TLL2: variants seen among roughly 807,000 people sequenced by gnomAD.
TLL2 encodes the protein tolloid-like protein 2.
TLL2 carries 106 observed loss-of-function variants against 123.0 expected under a neutral mutation model. That is an observed-to-expected ratio of 0.86 (90% CI 0.74 to 1.01). The LOEUF is 1.01. Among genes scored for constraint, TLL2 ranks in the 50% least tolerant of loss-of-function variants. The pLI is 0.00. For synonymous variants in TLL2, 494 were observed against 516.8 expected (o/e 0.96, Z 0.60); for missense variants, 1,332 against 1,336.7 (o/e 1.00, Z 0.06).
intron 7 of TLL2, among the ~76,000 whole-genome samples, chr10:96,419,927 G>C (rs182192166): frequency 6.6e-6 from 1 of 152,100 alleles, no homozygotes; most frequent in African/African-American, 2.4e-5. Flanking sequence ...CACAGGGCAG[G>C]ATTTGCTGCC....
At chr10:96,432,750 C>G in intron 4 of TLL2, 57 bp downstream of exon 4, 1 of 1,582,558 alleles carries the variant, frequency 6.3e-7, no homozygotes, top group South Asian at 1.2e-5. Context: ...AGGACTCTCT[C>G]AACCCAGGGA....
At chr10:96,510,738 A>C (rs951867645) in intron 1 of TLL2, among the ~76,000 whole-genome samples, 2 of 152,190 alleles carry the variant, frequency 1.3e-5, no homozygotes, top group Non-Finnish European at 2.9e-5. Flanking sequence ...AGAAATGGTA[A>C]AATTACCAGT....
chr10:96,505,023 A>G (rs917889391), intron 1 of TLL2, among the ~76,000 whole-genome samples: 1 of 117,340 alleles, frequency 8.5e-6, no homozygotes, highest in Non-Finnish European at 1.9e-5. Flanking sequence ...AATAAAAAAT[A>G]AATAAATAAA....
At chr10:96,415,960 G>A (rs970946237) in intron 7 of TLL2, among the ~76,000 whole-genome samples, 8 of 150,564 alleles carry the variant, frequency 5.3e-5, no homozygotes, top group Non-Finnish European at 1.0e-4. Context: ...CTGATTTCCT[G>A]TTCAGCATCT....
intron 5 of TLL2, among the ~76,000 whole-genome samples, chr10:96,423,365 T>C (rs1323902242): frequency 6.6e-6 from 1 of 152,150 alleles, no homozygotes; most frequent in East Asian, 1.9e-4. Context: ...CTGGGCCATT[T>C]TTAATGAAAA....
At chr10:96,506,251 C>CAA (rs1210970430) in intron 1 of TLL2, among the ~76,000 whole-genome samples, 3,591 of 36,660 alleles carry the variant, frequency 0.098, 715 homozygotes, top group East Asian at 0.1. Flanking sequence ...GACCCCATCT[C>CAA]AAAAAAAAAA....
intron 1 of TLL2, among the ~76,000 whole-genome samples, chr10:96,489,459 G>T (rs1447874416): frequency 6.6e-6 from 1 of 152,146 alleles, no homozygotes; most frequent in African/African-American, 2.4e-5. Flanking sequence ...AATCCGGGAG[G>T]TTGAGGCTGC....
chr10:96,386,851 A>G lies in TLL2; in HGVS notation c.1852+102T>C, dbSNP rs577079448. ...CTTCCACCATGTCTGCCCATTGCCC[A>G]TCGTTCCTACACAGCCAGCTGGTTG... is the stretch of plus-strand genomic sequence containing the variant. On this transcript the variant is annotated intron_variant, in intron 14 of 20. Transcript: ENST00000357947. 4.0e-5 allele frequency: 61 copies of G among 1,542,224 alleles called. No individual in the cohort carries two copies. In the East Asian group the frequency reaches 1.3e-3, roughly 32 times the overall value.
intron 7 of TLL2, among the ~76,000 whole-genome samples, chr10:96,419,125 G>A (rs574941948): frequency 2.6e-5 from 4 of 152,172 alleles, no homozygotes; most frequent in East Asian, 1.9e-4. Flanking sequence ...CTGCACTGGC[G>A]TCCTGAGATT....
intron 18 of TLL2, among the ~76,000 whole-genome samples, chr10:96,375,713 T>C (rs1176693005): frequency 6.6e-6 from 1 of 152,144 alleles, no homozygotes; most frequent in Non-Finnish European, 1.5e-5. Context: ...CATTCGCCTC[T>C]TCTGCTCCTC....
chr10:96,385,976 C>T lies in TLL2; in HGVS notation c.2013+79G>A, dbSNP rs534636038. 87 of 1,390,534 alleles carry T rather than the reference C, an allele frequency of 6.3e-5. No homozygotes were observed. The African/African-American group carries it at 1.2e-3, about 19-fold the overall frequency. The allele number at this position is 1,390,534 out of a possible 1,614,324, so 86.1% of individuals were successfully genotyped here. On this transcript the variant is annotated intron_variant, in intron 15 of 20. Coordinates refer to ENST00000357947, the MANE Select transcript of TLL2 (RefSeq NM_012465.4). ...CAGTCAACACAAGCCATCTCCCTGC[C>T]CTCCCAGCCCCTCACTGGTTTCCAG...
chr10:96,390,695 G>A (rs529696933), intron 13 of TLL2, among the ~76,000 whole-genome samples: 2 of 152,222 alleles, frequency 1.3e-5, no homozygotes, highest in African/African-American at 2.4e-5. Flanking sequence ...TGCTAGGTAC[G>A]TTGTGTTCAC....
intron 13 of TLL2, among the ~76,000 whole-genome samples, chr10:96,390,396 A>C (rs1372044642): frequency 6.6e-6 from 1 of 152,228 alleles, no homozygotes; most frequent in Non-Finnish European, 1.5e-5. Flanking sequence ...TAGGACCAAA[A>C]TGGCCCTGCC....
At chr10:96,371,387 C>A (rs1466085430) in intron 19 of TLL2, among the ~76,000 whole-genome samples, 2 of 152,026 alleles carry the variant, frequency 1.3e-5, no homozygotes, top group African/African-American at 2.4e-5. Context: ...TTAGCAAGCA[C>A]CAGAAATTCT....
intron 2 of TLL2, among the ~76,000 whole-genome samples, chr10:96,468,544 G>A (rs747039176): frequency 3.9e-5 from 6 of 152,270 alleles, no homozygotes; most frequent in Non-Finnish European, 5.9e-5. Context: ...CTTAAAAGAC[G>A]CTCCTCTATT....
At chr10:96,369,017 T>C (rs1846053664) in intron 20 of TLL2, among the ~76,000 whole-genome samples, 1 of 152,242 alleles carries the variant, frequency 6.6e-6, no homozygotes, top group African/African-American at 2.4e-5. Context: ...CAAAGAAATA[T>C]AAATGCCAAT....
intron 2 of TLL2, among the ~76,000 whole-genome samples, chr10:96,479,118 A>G (rs1300498086): frequency 5.9e-5 from 9 of 152,240 alleles, no homozygotes; most frequent in African/African-American, 1.9e-4. Flanking sequence ...ATATATTGGT[A>G]TTAAAAATAA....
chr10:96,391,640 A>G (rs1275824365), intron 13 of TLL2, among the ~76,000 whole-genome samples: 1 of 152,212 alleles, frequency 6.6e-6, no homozygotes, highest in African/African-American at 2.4e-5. Context: ...AATTCCTACC[A>G]GGGGATTGTA....
intron 1 of TLL2, among the ~76,000 whole-genome samples, chr10:96,499,714 A>C (rs1487403972): frequency 3.3e-5 from 5 of 152,242 alleles, no homozygotes; most frequent in African/African-American, 1.2e-4. Context: ...TCCTTAATTT[A>C]GTAGGAAAAG....
Sources: allele counts gnomAD v4.1 joint callset (sites outside exome capture counted in the v4.1 genomes callset), GRCh38; gene constraint gnomAD v4.1.1; transcripts MANE v1.5; gene names NCBI Gene and HGNC (gene_info 2026-07-23, HGNC 2026-07-21).